GRM5: variants seen among roughly 807,000 people sequenced by gnomAD.
GRM5 encodes metabotropic glutamate receptor 5.
Under a neutral mutation model 83.1 loss-of-function variants are expected in GRM5, and 19 were observed. The ratio of observed to expected loss-of-function variants is 0.23; its 90% CI spans 0.16 to 0.34. The LOEUF (loss-of-function observed/expected upper bound fraction) is 0.34. Ranked by LOEUF, GRM5 falls within the 10% of genes least tolerant of loss-of-function variation. The probability of loss-of-function intolerance (pLI) is 1.00; values close to 1 mark genes in which losing one functional copy is unlikely to be tolerated. For synonymous variants in GRM5, 675 were observed against 633.6 expected (o/e 1.07, Z -0.98); for missense variants, 1,160 against 1,588.3 (o/e 0.73, Z 4.58).
intron 4 of GRM5, among the ~76,000 whole-genome samples, chr11:88,644,249 A>G (rs1939379060): frequency 6.6e-6 from 1 of 152,202 alleles, no homozygotes. Flanking sequence ...TTTTAGACCC[A>G]GGCAAAGTAT....
chr11:88,757,749 C>A (rs1435626875), intron 3 of GRM5, among the ~76,000 whole-genome samples: 2 of 152,156 alleles, frequency 1.3e-5, no homozygotes, highest in African/African-American at 2.4e-5. Context: ...TGAGTGTGAA[C>A]CCCACCATGC....
intron 3 of GRM5, among the ~76,000 whole-genome samples, chr11:88,695,335 A>G (rs1940876348): frequency 6.6e-6 from 1 of 152,246 alleles, no homozygotes; most frequent in African/African-American, 2.4e-5. Flanking sequence ...CCATCTTCCA[A>G]GTATGTACTT....
At chr11:89,042,225 ACTTT>A (rs938780109) in intron 2 of GRM5, among the ~76,000 whole-genome samples, 6 of 152,138 alleles carry the variant, frequency 3.9e-5, no homozygotes, top group African/African-American at 1.4e-4. Context: ...AGTTATTAAC[ACTTT>A]CAGCCAATTG....
intron 2 of GRM5, among the ~76,000 whole-genome samples, chr11:88,898,253 A>G (rs1188877723): frequency 6.6e-6 from 1 of 151,854 alleles, no homozygotes; most frequent in African/African-American, 2.4e-5. Flanking sequence ...AAGGGCCCAC[A>G]CTAGTAATGT....
At chr11:89,049,715 T>C (rs1941716670) in intron 1 of GRM5, among the ~76,000 whole-genome samples, 1 of 152,114 alleles carries the variant, frequency 6.6e-6, no homozygotes, top group Admixed American at 6.5e-5. Context: ...TTTCATCAAA[T>C]AACCAGATGT....
At chr11:88,980,214 C>T (rs1454589327) in intron 2 of GRM5, among the ~76,000 whole-genome samples, 1 of 152,080 alleles carries the variant, frequency 6.6e-6, no homozygotes, top group Non-Finnish European at 1.5e-5. Context: ...ATCAGAAATA[C>T]AATATCTCTA....
In GRM5 at chr11:88,999,053, G is replaced by A. The variant is rs574330821; in HGVS notation, c.661+48159C>T. 2.0e-5 allele frequency among the ~76,000 whole-genome samples: 3 copies of A among 152,188 alleles called. No homozygotes were observed. The East Asian group carries it at 5.8e-4, about 29-fold the overall frequency. The stretch of plus-strand genomic sequence containing the variant: ...TAGCCATATGTAGAAAGCTGAAACT[G>A]GATCCCTTCCTTACACCTTATACAA... On this transcript the variant is annotated intron_variant, in intron 2 of 9. Transcript: ENST00000305447.
At chr11:88,655,248 T>C (rs988492460) in intron 3 of GRM5, among the ~76,000 whole-genome samples, 2 of 152,078 alleles carry the variant, frequency 1.3e-5, no homozygotes, top group African/African-American at 4.8e-5. Flanking sequence ...TATTTAAAGC[T>C]GACAAGTTGA....
At chr11:88,700,966 T>C (rs1164512275) in intron 3 of GRM5, among the ~76,000 whole-genome samples, 1 of 152,104 alleles carries the variant, frequency 6.6e-6, no homozygotes, top group Non-Finnish European at 1.5e-5. Flanking sequence ...AATAAGACAA[T>C]TGATATATGA....
At chr11:89,063,053 A>ACCC (rs1942026895) in intron 1 of GRM5, among the ~76,000 whole-genome samples, 1 of 152,244 alleles carries the variant, frequency 6.6e-6, no homozygotes, top group Admixed American at 6.5e-5. Context: ...CTCTTCCTGC[A>ACCC]GCAGGCGCCA....
At chr11:88,731,771 A>G (rs1233056116) in intron 3 of GRM5, among the ~76,000 whole-genome samples, 1 of 152,056 alleles carries the variant, frequency 6.6e-6, no homozygotes, top group Non-Finnish European at 1.5e-5. Context: ...GCTCAAGAGT[A>G]GTTTACCAAA....
intron 2 of GRM5, among the ~76,000 whole-genome samples, chr11:88,882,248 G>GTAAGTAAGTAAATAAATAAATAAATAAA (rs1555033917): frequency 4.9e-5 from 7 of 143,924 alleles, no homozygotes; most frequent in Admixed American, 2.8e-4. Flanking sequence ...AAATAAGTAA[G>GTAAGTAAGTAAATAAATAAATAAATAAA]TAAATAAATA....
At chr11:88,956,144 T>C (rs564237889) in intron 2 of GRM5, among the ~76,000 whole-genome samples, 9 of 152,288 alleles carry the variant, frequency 5.9e-5, no homozygotes, top group African/African-American at 2.2e-4. Flanking sequence ...AGTAGCAGAT[T>C]GGCACAGAAT....
intron 2 of GRM5, among the ~76,000 whole-genome samples, chr11:89,023,779 G>A (rs1284210082): frequency 6.6e-6 from 1 of 151,818 alleles, no homozygotes; most frequent in African/African-American, 2.4e-5. Flanking sequence ...GAACCCAGGA[G>A]GCGGAGGTTG....
At chr11:88,844,708 A>G (rs946834030) in intron 3 of GRM5, among the ~76,000 whole-genome samples, 1 of 152,208 alleles carries the variant, frequency 6.6e-6, no homozygotes, top group Non-Finnish European at 1.5e-5. Context: ...GAGTCATGAG[A>G]GAAGGTAAAA....
intron 2 of GRM5, among the ~76,000 whole-genome samples, chr11:88,977,715 G>T (rs1046722009): frequency 1.3e-5 from 2 of 152,156 alleles, no homozygotes; most frequent in African/African-American, 4.8e-5. Context: ...TTTAATTCAA[G>T]ATTTCATATT....
intron 2 of GRM5, among the ~76,000 whole-genome samples, chr11:88,919,396 T>C (rs1266195545): frequency 6.6e-6 from 1 of 150,498 alleles, no homozygotes; most frequent in Non-Finnish European, 1.5e-5. Context: ...CACAGATATA[T>C]AAAACAAACG....
rs1402544453 is a variant in GRM5, at chr11:88,740,459, G to T, written c.912-87056C>A. ...TTAGAGAATATATGTTTAAGATTCA[G>T]TTGGGTACTGTTCTCAGTATTCCAC... On this transcript the variant is annotated intron_variant, in intron 3 of 9. Transcript: ENST00000305447. 2.6e-5 allele frequency among the ~76,000 whole-genome samples: 4 copies of T among 152,098 alleles called. No homozygotes were observed. In the East Asian group the frequency reaches 7.8e-4, roughly 30 times the overall value.
intron 8 of GRM5, among the ~76,000 whole-genome samples, chr11:88,563,516 A>T (rs539681579): frequency 1.3e-5 from 2 of 152,328 alleles, no homozygotes; most frequent in South Asian, 4.1e-4. Flanking sequence ...AACAGAGGGC[A>T]TACCCAATCT....
Sources: allele counts gnomAD v4.1 joint callset (sites outside exome capture counted in the v4.1 genomes callset), GRCh38; gene constraint gnomAD v4.1.1; transcripts MANE v1.5; gene names NCBI Gene and HGNC (gene_info 2026-07-23, HGNC 2026-07-21).